Variants in KCNH8 observed in about 807,000 individuals in gnomAD.
KCNH8 encodes the protein voltage-gated delayed rectifier potassium channel KCNH8.
KCNH8 carries 70 observed loss-of-function variants against 103.6 expected under a neutral mutation model. The ratio of observed to expected loss-of-function variants is 0.68; its 90% CI spans 0.56 to 0.82. The LOEUF (loss-of-function observed/expected upper bound fraction) is 0.82, where lower values mean the gene tolerates loss of function less well. KCNH8 is among the 40% of genes least tolerant of loss of function. The pLI is 0.00. For synonymous variants in KCNH8, 498 were observed against 489.4 expected, an observed-to-expected ratio of 1.02 and a Z score of -0.23; for missense variants, 1,217 against 1,329.9, an observed-to-expected ratio of 0.92 and a Z score of 1.32.
intron 3 of KCNH8, among the ~76,000 whole-genome samples, chr3:19,312,045 CTTATATA>C (rs1264264600): frequency 3.3e-5 from 5 of 151,858 alleles, no homozygotes; most frequent in Non-Finnish European, 5.9e-5. Context: ...GTGTTTTGCA[CTTATATA>C]TTATGTAATA....
intron 3 of KCNH8, among the ~76,000 whole-genome samples, chr3:19,293,106 C>T (rs896428278): frequency 6.6e-6 from 1 of 152,046 alleles, no homozygotes; most frequent in African/African-American, 2.4e-5. Flanking sequence ...TTTCTATATG[C>T]CAGACATATT....
chr3:19,255,804 C>A (rs1004258914), intron 2 of KCNH8, among the ~76,000 whole-genome samples: 1 of 151,740 alleles, frequency 6.6e-6, no homozygotes, highest in African/African-American at 2.4e-5. Context: ...GATGTTTATT[C>A]TTTCCCTTAA....
At chr3:19,398,698 C>T (rs549357659) in intron 7 of KCNH8, among the ~76,000 whole-genome samples, 36 of 151,996 alleles carry the variant, frequency 2.4e-4, no homozygotes, top group African/African-American at 8.4e-4. Flanking sequence ...ATAGTGCCAA[C>T]CTCAGTGGGG....
chr3:19,321,582 A>G (rs1214407837), intron 3 of KCNH8, among the ~76,000 whole-genome samples: 1 of 151,766 alleles, frequency 6.6e-6, no homozygotes, highest in Admixed American at 6.6e-5. Flanking sequence ...ATTTATTGAG[A>G]CTTCTTGTGA....
chr3:19,423,980 A>G (rs1055839826), intron 7 of KCNH8, among the ~76,000 whole-genome samples: 44 of 152,084 alleles, frequency 2.9e-4, no homozygotes, highest in Non-Finnish European at 4.4e-4. Flanking sequence ...CCATTTTTGC[A>G]GGAGTAAGGT....
chr3:19,221,561 A>T (rs940047758), intron 1 of KCNH8, among the ~76,000 whole-genome samples: 3 of 151,574 alleles, frequency 2.0e-5, no homozygotes, highest in African/African-American at 4.9e-5. Context: ...CTCCTAATTT[A>T]TTTGTTTTTT....
intron 3 of KCNH8, among the ~76,000 whole-genome samples, chr3:19,286,494 A>G (rs886904157): frequency 5.3e-5 from 8 of 152,270 alleles, no homozygotes; most frequent in Admixed American, 5.2e-4. Context: ...TGAATCTCTA[A>G]CCACCAGAAC....
At chr3:19,250,727 C>T (rs2064266047) in intron 1 of KCNH8, among the ~76,000 whole-genome samples, 1 of 152,122 alleles carries the variant, frequency 6.6e-6, no homozygotes, top group South Asian at 2.1e-4. Flanking sequence ...CTAGTAGTAC[C>T]TATTATTTGT....
intron 3 of KCNH8, among the ~76,000 whole-genome samples, chr3:19,331,185 A>G (rs1430988134): frequency 1.3e-5 from 2 of 151,474 alleles, no homozygotes; most frequent in African/African-American, 2.4e-5. Flanking sequence ...GTTGGTAACA[A>G]TAATAGCTAC....
At chr3:19,378,172 C>T (rs572073862) in intron 5 of KCNH8, among the ~76,000 whole-genome samples, 9 of 151,974 alleles carry the variant, frequency 5.9e-5, no homozygotes, top group South Asian at 2.1e-4. Flanking sequence ...CCAGCAAAAG[C>T]GCGTGGAAAA....
intron 7 of KCNH8, among the ~76,000 whole-genome samples, chr3:19,412,474 G>A (rs985711075): frequency 2.0e-5 from 3 of 151,824 alleles, no homozygotes; most frequent in African/African-American, 7.3e-5. Flanking sequence ...TTCTGGACAT[G>A]GGCCTTGGGA....
intron 4 of KCNH8, among the ~76,000 whole-genome samples, chr3:19,347,093 T>C (rs2125319712): frequency 6.6e-6 from 1 of 152,244 alleles, no homozygotes; most frequent in Non-Finnish European, 1.5e-5. Flanking sequence ...CTGAATAATG[T>C]CTGGCCCATG....
intron 8 of KCNH8, 64 bp downstream of exon 8, chr3:19,438,425 T>A (rs2067232644): frequency 4.5e-6 from 6 of 1,336,524 alleles, no homozygotes; most frequent in Non-Finnish European, 6.3e-6. Context: ...TCACTGCCTG[T>A]TTGTTCTGTC....
chr3:19,234,142 G>A (rs1301806554), intron 1 of KCNH8, among the ~76,000 whole-genome samples: 1 of 152,212 alleles, frequency 6.6e-6, no homozygotes, highest in Non-Finnish European at 1.5e-5. Flanking sequence ...ACAGGGCGCT[G>A]TTTGGTGCGT....
chr3:19,268,007 A>G (rs910153029), intron 2 of KCNH8, among the ~76,000 whole-genome samples: 43 of 152,276 alleles, frequency 2.8e-4, no homozygotes, highest in African/African-American at 7.5e-4. Flanking sequence ...CAATAGTATT[A>G]CTATTACAAA....
At chr3:19,450,591 G>A (rs905001069) in intron 9 of KCNH8, 19 of 405,662 alleles carry the variant, frequency 4.7e-5, no homozygotes, top group Admixed American at 4.0e-4. Flanking sequence ...CAATTCTTAC[G>A]ATAATTTAAC....
At chr3:19,407,814 C>T (rs573675948) in intron 7 of KCNH8, among the ~76,000 whole-genome samples, 18 of 152,246 alleles carry the variant, frequency 1.2e-4, no homozygotes, top group Non-Finnish European at 1.9e-4. Context: ...AGAGCACCCA[C>T]TCTCCTAGAT....
chr3:19,176,635 G>A (rs1177502072), intron 1 of KCNH8, among the ~76,000 whole-genome samples: 1 of 152,002 alleles, frequency 6.6e-6, no homozygotes, highest in Non-Finnish European at 1.5e-5. Context: ...CGGATTTTGA[G>A]CATGCAGTGT....
intron 3 of KCNH8, among the ~76,000 whole-genome samples, chr3:19,292,965 A>T (rs1188068058): frequency 3.2e-4 from 48 of 152,200 alleles, no homozygotes; most frequent in Non-Finnish European, 1.5e-5. Context: ...GAATGCCAAT[A>T]AATCAAGGTT....
Sources: allele counts gnomAD v4.1 joint callset (sites outside exome capture counted in the v4.1 genomes callset), GRCh38; gene constraint gnomAD v4.1.1; transcripts MANE v1.5; gene names NCBI Gene and HGNC (gene_info 2026-07-23, HGNC 2026-07-21).